The following TUSC3 variants were observed in gnomAD, a reference collection of about 807,000 sequenced individuals.
The protein encoded by TUSC3 is dolichyl-diphosphooligosaccharide--protein glycosyltransferase subunit TUSC3.
In TUSC3, 45 loss-of-function variants were observed where a neutral mutation model predicts 44.8. The observed-to-expected ratio is 1.00, with a 90% CI of 0.79 to 1.29. The LOEUF is 1.29. TUSC3 is among the 50% of genes most tolerant of loss of function. The pLI, the probability that TUSC3 is intolerant of heterozygous loss-of-function variation, is 0.00. For missense variants in TUSC3, 519 were observed against 437.9 expected (o/e 1.19, Z -1.65); for synonymous variants, 212 against 152.9 (o/e 1.39, Z -2.85).
intron 8 of TUSC3, among the ~76,000 whole-genome samples, chr8:15,747,799 A>C (rs980033706): frequency 5.9e-5 from 9 of 152,056 alleles, no homozygotes; most frequent in Admixed American, 5.9e-4. Flanking sequence ...CCTGCCATGG[A>C]GGGAGTTTTC....
chr8:15,566,022 T>A (rs1802655289), intron 1 of TUSC3, among the ~76,000 whole-genome samples: 1 of 152,194 alleles, frequency 6.6e-6, no homozygotes, highest in Non-Finnish European at 1.5e-5. Flanking sequence ...ATGATGTATT[T>A]AAACACACCT....
chr8:15,502,467 G>C (rs1017429957), intron 2 of TUSC3, among the ~76,000 whole-genome samples: 1 of 152,016 alleles, frequency 6.6e-6, no homozygotes, highest in Non-Finnish European at 1.5e-5. Context: ...TCATTTCCCG[G>C]ATCCAATATA....
chr8:15,441,415 A>G (rs892241835), intron 1 of TUSC3, among the ~76,000 whole-genome samples: 9 of 145,724 alleles, frequency 6.2e-5, no homozygotes, highest in Non-Finnish European at 1.2e-4. Context: ...AAAAAAATTA[A>G]GTAAGTAAAT....
At chr8:15,551,777 T>A (rs764325583) in intron 1 of TUSC3, among the ~76,000 whole-genome samples, 7 of 151,782 alleles carry the variant, frequency 4.6e-5, no homozygotes, top group Non-Finnish European at 1.0e-4. Flanking sequence ...TGCAAGGTTT[T>A]AAAAAGGAAT....
At chr8:15,716,203 C>T (rs746627652) in intron 6 of TUSC3, among the ~76,000 whole-genome samples, 1 of 152,074 alleles carries the variant, frequency 6.6e-6, no homozygotes, top group African/African-American at 2.4e-5. Context: ...TTGCAGCAAG[C>T]CAAGGTTGTG....
chr8:15,843,066 G>A, the TUSC3 span, among the ~76,000 whole-genome samples: 1 of 152,144 alleles, frequency 6.6e-6, no homozygotes, highest in Non-Finnish European at 1.5e-5. Flanking sequence ...GAAGAGGAGC[G>A]AGGGCTTTGA....
In TUSC3 at chr8:15,523,776, G is replaced by A. The variant is rs1411614196; in HGVS notation, n.189+40293G>A. 1.0e-4 allele frequency among the ~76,000 whole-genome samples: 15 copies of A among 148,652 alleles called. No individual in the cohort carries two copies. The Admixed American group carries it at 1.0e-3, about 10-fold the overall frequency. On this transcript the variant is annotated intron_variant and non_coding_transcript_variant, in intron 2 of 5. Transcript: ENST00000503191. Reference sequence around the variant, plus strand: ...AGATAAATTAGAAAGTAAAAATAGAGGCAGGGCGCGGAGGCTTACGCCTGT... The same window carrying A: ...AGATAAATTAGAAAGTAAAAATAGAAGCAGGGCGCGGAGGCTTACGCCTGT...
At chr8:15,583,136 C>G (rs768624974) in intron 1 of TUSC3, among the ~76,000 whole-genome samples, 12 of 152,128 alleles carry the variant, frequency 7.9e-5, no homozygotes, top group Non-Finnish European at 1.2e-4. Flanking sequence ...TAAACTAGAA[C>G]TGTTCTAAAC....
At chr8:15,450,980 A>G (rs1159392116) in intron 1 of TUSC3, among the ~76,000 whole-genome samples, 2 of 151,986 alleles carry the variant, frequency 1.3e-5, no homozygotes, top group Non-Finnish European at 2.9e-5. Flanking sequence ...CATGACTAAC[A>G]CCATGGTCAA....
chr8:15,526,181 C>T (rs921701575), intron 2 of TUSC3, among the ~76,000 whole-genome samples: 13 of 151,912 alleles, frequency 8.6e-5, no homozygotes, highest in African/African-American at 2.2e-4. Flanking sequence ...TACAGGCGCC[C>T]GCCATCACGG....
intron 1 of TUSC3, among the ~76,000 whole-genome samples, chr8:15,452,974 C>G (rs1375075217): frequency 6.6e-6 from 1 of 152,096 alleles, no homozygotes; most frequent in Non-Finnish European, 1.5e-5. Context: ...CAGATAGCGA[C>G]CACTCCCCCG....
chr8:15,498,266 A>T lies in TUSC3; in HGVS notation n.189+14783A>T, dbSNP rs1800910772. ...ATAAAGATCATAAGAACACAGATTG[A>T]GTAGACTAATAGATGCAGTGGAGTT... On this transcript the variant is annotated intron_variant and non_coding_transcript_variant, in intron 2 of 5. Transcript: ENST00000503191. Among the ~76,000 whole-genome samples, 4 of 152,200 alleles carry T rather than the reference A, an allele frequency of 2.6e-5. No homozygotes were observed. The South Asian group carries it at 8.3e-4, about 31-fold the overall frequency.
At chr8:15,529,055 T>C (rs1300198742) in intron 2 of TUSC3, among the ~76,000 whole-genome samples, 2 of 152,210 alleles carry the variant, frequency 1.3e-5, no homozygotes, top group African/African-American at 4.8e-5. Flanking sequence ...ACATAGAACA[T>C]GCTACACAAG....
chr8:15,539,824 G>A (rs1450424075), upstream of TUSC3, among the ~76,000 whole-genome samples: 1 of 152,136 alleles, frequency 6.6e-6, no homozygotes, highest in Admixed American at 6.5e-5. Context: ...GGGCTGGAAG[G>A]AACAGTTGTG....
At chr8:15,556,713 G>C (rs1802281354) in intron 1 of TUSC3, among the ~76,000 whole-genome samples, 1 of 144,934 alleles carries the variant, frequency 6.9e-6, no homozygotes, top group South Asian at 2.3e-4. Context: ...GTGTGAGATG[G>C]TATCTCATTG....
At chr8:15,535,835 C>T (rs895645974), upstream of TUSC3, among the ~76,000 whole-genome samples, 4 of 152,136 alleles carry the variant, frequency 2.6e-5, no homozygotes, top group African/African-American at 7.2e-5. Flanking sequence ...GTTGGGAGAT[C>T]AGAGCCTTGA....
intron 2 of TUSC3, among the ~76,000 whole-genome samples, chr8:15,643,467 ACT>A (rs911928250): frequency 2.0e-5 from 3 of 151,392 alleles, no homozygotes; most frequent in Admixed American, 6.6e-5. Flanking sequence ...CTGAGTGCTA[ACT>A]CTGCGTATTG....
chr8:15,741,633 A>T (rs1811200922), intron 7 of TUSC3, among the ~76,000 whole-genome samples: 1 of 152,086 alleles, frequency 6.6e-6, no homozygotes, highest in Admixed American at 6.5e-5. Flanking sequence ...GTTGCAGTGA[A>T]TCAAGATCGT....
At chr8:15,478,054 T>G (rs1473377227) in intron 1 of TUSC3, among the ~76,000 whole-genome samples, 1 of 152,026 alleles carries the variant, frequency 6.6e-6, no homozygotes, top group African/African-American at 2.4e-5. Context: ...GCCTCCCAGG[T>G]TCAAGCGATT....
Sources: gnomAD v4.1 joint callset for allele counts (sites outside exome capture counted in the v4.1 genomes callset) on GRCh38, gnomAD v4.1.1 for gene constraint, MANE v1.5 for transcripts, NCBI Gene and HGNC (gene_info 2026-07-23, HGNC 2026-07-21) for gene names.